The following SUGCT variants were observed in gnomAD, a reference collection of about 807,000 sequenced individuals.
SUGCT encodes succinyl-CoA:glutarate CoA-transferase.
SUGCT carries 41 observed loss-of-function variants against 55.0 expected under a neutral mutation model. The ratio of observed to expected loss-of-function variants is 0.74; its 90% CI spans 0.58 to 0.97. The LOEUF (loss-of-function observed/expected upper bound fraction) is 0.97, where lower values mean the gene tolerates loss of function less well. Among genes scored for constraint, SUGCT ranks in the 50% least tolerant of loss-of-function variants. The pLI is 0.00. For missense variants in SUGCT, 568 were observed against 547.8 expected, an observed-to-expected ratio of 1.04 and a Z score of -0.37; for synonymous variants, 187 against 200.4, an observed-to-expected ratio of 0.93 and a Z score of 0.56.
At chr7:40,948,924 T>C in the SUGCT span, among the ~76,000 whole-genome samples, 4 of 152,234 alleles carry the variant, frequency 2.6e-5, no homozygotes, top group Admixed American at 2.6e-4. Context: ...TACGTATGCA[T>C]GTGTCTTTAT....
chr7:40,200,196 A>G (rs150434083), intron 6 of SUGCT, among the ~76,000 whole-genome samples: 3 of 152,162 alleles, frequency 2.0e-5, no homozygotes, highest in African/African-American at 7.2e-5. Context: ...CTATTTCTTG[A>G]TCTTCTGTAT....
At chr7:40,762,807 ACTCT>A (rs1197254415) in intron 13 of SUGCT, among the ~76,000 whole-genome samples, 3 of 149,264 alleles carry the variant, frequency 2.0e-5, no homozygotes, top group South Asian at 2.1e-4. Context: ...GCATAAAACA[ACTCT>A]CTTTTTTTTT....
intron 12 of SUGCT, among the ~76,000 whole-genome samples, chr7:40,630,319 A>T (rs1479017220): frequency 6.6e-6 from 1 of 152,190 alleles, no homozygotes; most frequent in African/African-American, 2.4e-5. Flanking sequence ...GACCCTCTGG[A>T]AGTGGGGAAC....
the SUGCT span, among the ~76,000 whole-genome samples, chr7:41,001,626 A>G: frequency 6.6e-6 from 1 of 152,160 alleles, no homozygotes; most frequent in Admixed American, 6.5e-5. Flanking sequence ...AGGGCCCTGC[A>G]GACTGTGGGT....
rs368689103 is a variant in SUGCT at position 40,166,355 on chromosome 7, AACTC to A, written c.101-14586_101-14583del. ...GGCAGTCTGACTTTTAATGATTTAA[AACTC>A]ACTCATTCATTTTGACTTAAATATA... On this transcript the variant is annotated intron_variant, in intron 1 of 13. Transcript: ENST00000335693. Among the ~76,000 whole-genome samples, 988 of 152,244 alleles carry A rather than the reference AACTC, an allele frequency of 6.5e-3. 12 individuals are homozygous for A. The highest frequency in any genetic ancestry group is 0.023 in the African/African-American group (941 of 41,544).
chr7:40,900,230 G>T, the SUGCT span, among the ~76,000 whole-genome samples: 1 of 152,220 alleles, frequency 6.6e-6, no homozygotes, highest in Non-Finnish European at 1.5e-5. Context: ...AAACGCCGTG[G>T]TCTTGCTGAA....
chr7:40,183,080 C>A (rs1194748279), intron 3 of SUGCT, among the ~76,000 whole-genome samples: 1 of 152,214 alleles, frequency 6.6e-6, no homozygotes, highest in Non-Finnish European at 1.5e-5. Context: ...CGAGACCAGC[C>A]TGGCCAACAA....
At chr7:40,623,328 C>T (rs915934957) in intron 12 of SUGCT, among the ~76,000 whole-genome samples, 2 of 152,068 alleles carry the variant, frequency 1.3e-5, no homozygotes, top group East Asian at 1.9e-4. Context: ...AGACTTTGTC[C>T]GTAAATATTT....
At chr7:40,244,553 T>C (rs1249599044) in intron 7 of SUGCT, among the ~76,000 whole-genome samples, 1 of 152,202 alleles carries the variant, frequency 6.6e-6, no homozygotes, top group African/African-American at 2.4e-5. Flanking sequence ...TGATGAAAGC[T>C]GTGCTTCGTA....
chr7:40,973,334 A>G, the SUGCT span, among the ~76,000 whole-genome samples: 1 of 152,222 alleles, frequency 6.6e-6, no homozygotes, highest in Admixed American at 6.5e-5. Context: ...TCAAATAACA[A>G]AATTATTTGA....
chr7:40,667,578 CTT>C (rs141927833), intron 12 of SUGCT, among the ~76,000 whole-genome samples: 26 of 135,532 alleles, frequency 1.9e-4, no homozygotes, highest in Non-Finnish European at 2.9e-4. Context: ...TGGCCCAGGG[CTT>C]TTTTTTTTTT....
chr7:40,765,574 G>A (rs1357937510), intron 13 of SUGCT, among the ~76,000 whole-genome samples: 1 of 152,054 alleles, frequency 6.6e-6, no homozygotes, highest in African/African-American at 2.4e-5. Flanking sequence ...GGGTATTCAT[G>A]GAGCTGAAAG....
chr7:40,942,956 CAT>C, the SUGCT span, among the ~76,000 whole-genome samples: 1 of 151,974 alleles, frequency 6.6e-6, no homozygotes. Context: ...ATTTTCCATT[CAT>C]ATCCTGAATT....
At chr7:40,247,402 C>T (rs1293203587) in intron 7 of SUGCT, among the ~76,000 whole-genome samples, 2 of 152,030 alleles carry the variant, frequency 1.3e-5, no homozygotes, top group African/African-American at 4.8e-5. Flanking sequence ...ATCACAGGCA[C>T]CCACCACCAT....
intron 9 of SUGCT, among the ~76,000 whole-genome samples, chr7:40,377,327 C>G (rs547804662): frequency 6.0e-5 from 9 of 149,564 alleles, no homozygotes; most frequent in Non-Finnish European, 1.2e-4. Context: ...ACTGCAACCT[C>G]CGCCTCCCGG....
intron 7 of SUGCT, among the ~76,000 whole-genome samples, chr7:40,272,279 T>C (rs1195976543): frequency 1.4e-5 from 2 of 147,022 alleles, no homozygotes; most frequent in Admixed American, 1.4e-4. Context: ...TGCACTCAAG[T>C]GATCTTTGCA....
chr7:40,801,255 C>T (rs1464961349), intron 13 of SUGCT, among the ~76,000 whole-genome samples: 1 of 152,158 alleles, frequency 6.6e-6, no homozygotes, highest in African/African-American at 2.4e-5. Context: ...TTTAACTTTT[C>T]CCCCACCTGC....
chr7:40,335,355 C>G (rs76379619), intron 9 of SUGCT, among the ~76,000 whole-genome samples: 84,640 of 150,904 alleles, frequency 0.56, 23,775 homozygotes, highest in South Asian at 0.65. Context: ...GCCATTTTCA[C>G]GATATTGATT....
At chr7:40,761,969 G>A (rs1788555172) in intron 13 of SUGCT, among the ~76,000 whole-genome samples, 1 of 152,196 alleles carries the variant, frequency 6.6e-6, no homozygotes, top group Non-Finnish European at 1.5e-5. Context: ...GGGCGGGAGA[G>A]GGTTGGCCAG....
Sources: allele counts gnomAD v4.1 joint callset (sites outside exome capture counted in the v4.1 genomes callset), GRCh38; gene constraint gnomAD v4.1.1; transcripts MANE v1.5; gene names NCBI Gene and HGNC (gene_info 2026-07-23, HGNC 2026-07-21).